Variants in FGF22 observed in about 807,000 individuals in gnomAD.
FGF22 encodes the protein fibroblast growth factor 22.
A neutral mutation model predicts 10.3 loss-of-function variants in FGF22; 11 were observed. The ratio of observed to expected loss-of-function variants is 1.07; its 90% confidence interval spans 0.67 to 1.77. The LOEUF (loss-of-function observed/expected upper bound fraction) is 1.77. FGF22 is among the 40% of genes most tolerant of loss of function. FGF22 has a pLI of 0.00. For missense variants in FGF22, 317 were observed against 273.2 expected (o/e 1.16, Z -1.13); for synonymous variants, 136 against 122.1 (o/e 1.11, Z -0.75).
chr19:639,897 C>A (rs1246828471), exon 1 of FGF22: 46 of 1,196,704 alleles, frequency 3.8e-5, no homozygotes, highest in Non-Finnish European at 4.5e-5. Flanking sequence ...CCGGGAGCGA[C>A]GAGCGCGCAG....
intron 1 of FGF22, chr19:640,421 G>A (rs1985863155): frequency 3.3e-6 from 1 of 302,642 alleles, no homozygotes; most frequent in South Asian, 1.6e-4. Context: ...GGGAAACTGA[G>A]GCTCCAGAGG....
At chr19:640,236 C>G (rs775655265) in intron 1 of FGF22, 97 bp downstream of exon 1, 2 of 811,594 alleles carry the variant, frequency 2.5e-6, no homozygotes, top group Non-Finnish European at 3.3e-6. Flanking sequence ...GGGGGAGTCC[C>G]GGAGGCTCCT....
exon 3 of FGF22, chr19:643,457 C>T (rs776999223): frequency 6.2e-6 from 10 of 1,611,472 alleles, no homozygotes; most frequent in South Asian, 5.5e-5. Context: ...TCGAAGAGAA[C>T]GGCCACAACA....
At chr19:643,656 C>T (rs1985991529) in exon 3 of FGF22, 2 of 1,379,040 alleles carry the variant, frequency 1.5e-6, no homozygotes, top group African/African-American at 2.9e-5. Flanking sequence ...TGGCGAGGGG[C>T]CCGGCCACGC....
In FGF22 at chr19:643,555, C is replaced by T. The variant is rs759489041; in HGVS notation, c.464C>T (p.Thr155Met). Residue 155 changes from threonine (T) to methionine (M), a missense_variant, in exon 3 of 3, where the codon ACG (threonine) becomes ATG (methionine). By Grantham distance (81) the Thr-to-Met change is moderately conservative (BLOSUM62 -1). Coordinates refer to ENST00000215530, the Ensembl canonical transcript of FGF22. ...GGGGGGCCCCGGCCAGGCGGCCGGA[C>T]GCGGCGGTACCACCTGTCCGCCCAC... 56 of 1,586,290 alleles carry T rather than the reference C, an allele frequency of 3.5e-5. No homozygotes were observed. In the East Asian group the frequency reaches 5.0e-4, roughly 14 times the overall value.
At chr19:643,708 C>T in exon 3 of FGF22, 1 of 1,015,732 alleles carries the variant, frequency 9.8e-7, no homozygotes, top group Non-Finnish European at 1.4e-6. Context: ...TGAGTGCCCA[C>T]CGTGTGCGGG....
chr19:643,764 AG>A (rs1218747949), exon 3 of FGF22: 6 of 648,882 alleles, frequency 9.2e-6, no homozygotes, highest in African/African-American at 5.6e-5. Flanking sequence ...TCCCAGCCTG[AG>A]GGGGTGGTGG....
chr19:640,062 TCTC>T (rs1449196120), exon 1 of FGF22: 7 of 1,418,002 alleles, frequency 4.9e-6, no homozygotes, highest in South Asian at 2.9e-5. Flanking sequence ...CGGCGCCTCT[TCTC>T]CTCCACTCAC....
At chr19:640,299 C>G (rs1240880853) in intron 1 of FGF22, 160 bp downstream of exon 1, 2 of 434,044 alleles carry the variant, frequency 4.6e-6, no homozygotes, top group Non-Finnish European at 7.6e-6. Context: ...TGCAGCCTGC[C>G]TGGTGGGAGG....
At chr19:643,302 C>T (rs761703237) in exon 2 of FGF22, 14 of 1,598,350 alleles carry the variant, frequency 8.8e-6, no homozygotes, top group African/African-American at 2.7e-5. Flanking sequence ...CAGGCTTCTA[C>T]GTGGCCATGA....
chr19:640,086 G>A, exon 1 of FGF22: 1 of 1,415,140 alleles, frequency 7.1e-7, no homozygotes, highest in Non-Finnish European at 9.2e-7. Context: ...TTCTTCCTGC[G>A]CGTGGATCCC....
exon 3 of FGF22, chr19:643,609 C>G (rs1366152347): frequency 6.6e-7 from 1 of 1,514,710 alleles, no homozygotes; most frequent in Admixed American, 2.2e-5. Flanking sequence ...TCCTGAGGCC[C>G]TGAGAGGCCG....
chr19:641,624 G>C (rs1985905731), intron 1 of FGF22: 2 of 256,326 alleles, frequency 7.8e-6, no homozygotes, highest in Non-Finnish European at 7.9e-6. Flanking sequence ...AAGGGTGCAG[G>C]TGGGTGCGCA....
At chr19:640,024 C>T in exon 1 of FGF22, 2 of 1,378,986 alleles carry the variant, frequency 1.5e-6, no homozygotes, top group Non-Finnish European at 1.9e-6. Context: ...CGCGCAGCTA[C>T]CCGCACCTGG....
intron 1 of FGF22, chr19:641,506 T>C (rs11572863): frequency 0.033 from 9,259 of 280,066 alleles, 582 homozygotes; most frequent in African/African-American, 0.18. Flanking sequence ...AGCCGGGAGG[T>C]GGAGCTTGCA....
exon 1 of FGF22, chr19:639,909 G>T (rs1305733297): frequency 3.3e-6 from 4 of 1,210,600 alleles, no homozygotes; most frequent in South Asian, 3.7e-5. Flanking sequence ...AGCGCGCAGC[G>T]AACCGGGTGC....
At chr19:643,493 C>T (rs1327162252) in exon 3 of FGF22, 4 of 1,610,816 alleles carry the variant, frequency 2.5e-6, no homozygotes, top group Middle Eastern at 3.3e-4. Flanking sequence ...GCTGGCGCCG[C>T]CGCGGCCAGC....
chr19:640,220 GCCCGCGGGGGAGTC>G, intron 1 of FGF22, 81 bp downstream of exon 1: 1 of 975,718 alleles, frequency 1.0e-6, no homozygotes, highest in East Asian at 3.4e-5. Context: ...GGTGACCTGC[GCCCGCGGGGGAGTC>G]CCGGAGGCTC....
At chr19:641,377 C>T (rs903706736) in intron 1 of FGF22, 4 of 421,106 alleles carry the variant, frequency 9.5e-6, no homozygotes, top group East Asian at 7.2e-5. Context: ...GAGATCGAGA[C>T]CATCCCGGCT....
Sources: gnomAD v4.1 joint callset for allele counts on GRCh38, gnomAD v4.1.1 for gene constraint, MANE v1.5 for transcripts, NCBI Gene and HGNC (gene_info 2026-07-23, HGNC 2026-07-21) for gene names.